Variants in HDX observed in about 807,000 individuals in gnomAD.
HDX encodes highly divergent homeobox, also known as chromosome X open reading frame 43.
In HDX, 19 loss-of-function variants were observed where a neutral mutation model predicts 45.2. The observed-to-expected ratio is 0.42, with a 90% CI of 0.29 to 0.62. The LOEUF is 0.62. Ranked by LOEUF, HDX falls within the 20% of genes least tolerant of loss-of-function variation. The pLI, the probability that HDX is intolerant of heterozygous loss-of-function variation, is 0.20. For synonymous variants in HDX, 188 were observed against 172.8 expected, an observed-to-expected ratio of 1.09 and a Z score of -0.69; for missense variants, 532 against 493.9, an observed-to-expected ratio of 1.08 and a Z score of -0.73.
intron 10 of HDX, among the ~76,000 whole-genome samples, chrX:84,325,377 G>A (rs2036687176): frequency 9.0e-6 from 1 of 111,338 alleles, no homozygotes; most frequent in African/African-American, 3.3e-5. Context: ...GGTTACATAT[G>A]TCTCACACTA....
At chrX:84,475,610 C>T (rs2040532814) in intron 2 of HDX, among the ~76,000 whole-genome samples, 1 of 110,991 alleles carries the variant, frequency 9.0e-6, no homozygotes, top group Non-Finnish European at 1.9e-5. Context: ...TGAATTTGTT[C>T]AGATAATGTA....
chrX:84,327,651 A>G (rs888512805), intron 9 of HDX, among the ~76,000 whole-genome samples: 2 of 111,751 alleles, frequency 1.8e-5, no homozygotes, highest in Non-Finnish European at 3.8e-5. Context: ...GACATGGATC[A>G]TAGACCTAAA....
intron 6 of HDX, among the ~76,000 whole-genome samples, chrX:84,345,971 A>G (rs1424776417): frequency 9.0e-6 from 1 of 111,001 alleles, no homozygotes; most frequent in Non-Finnish European, 1.9e-5. Flanking sequence ...TTTCATTTTC[A>G]TGTTGAGTTT....
chrX:84,389,821 G>A (rs1315746014), intron 5 of HDX, among the ~76,000 whole-genome samples: 2 of 110,487 alleles, frequency 1.8e-5, no homozygotes, highest in Non-Finnish European at 3.8e-5. Context: ...GCCGTTTAAA[G>A]GCATATCTCT....
At chrX:84,401,868 T>C (rs1359680707) in intron 5 of HDX, among the ~76,000 whole-genome samples, 1 of 111,627 alleles carries the variant, frequency 9.0e-6, no homozygotes, top group Admixed American at 9.5e-5. Context: ...ATGAAATACA[T>C]GCAGGCATAA....
intron 5 of HDX, among the ~76,000 whole-genome samples, chrX:84,411,208 G>A (rs760813017): frequency 1.3e-4 from 14 of 111,254 alleles, no homozygotes; most frequent in African/African-American, 3.9e-4. Context: ...CTGGTTTGGG[G>A]ATTTATTTGC....
intron 5 of HDX, among the ~76,000 whole-genome samples, chrX:84,367,173 T>C (rs1170906396): frequency 1.8e-5 from 2 of 111,353 alleles, no homozygotes; most frequent in Admixed American, 1.9e-4. Context: ...AACAACTCCA[T>C]CAAAAAGTGG....
chrX:84,457,976 T>C (rs933746972), intron 4 of HDX, among the ~76,000 whole-genome samples: 3 of 112,046 alleles, frequency 2.7e-5, no homozygotes, highest in African/African-American at 9.7e-5. Context: ...AATATCACCT[T>C]TTTCAAATGG....
At chrX:84,401,925 T>A (rs915073201) in intron 5 of HDX, among the ~76,000 whole-genome samples, 1 of 111,987 alleles carries the variant, frequency 8.9e-6, no homozygotes, top group Non-Finnish European at 1.9e-5. Flanking sequence ...GCCATCACCC[T>A]GAGCAACTAA....
intron 6 of HDX, among the ~76,000 whole-genome samples, chrX:84,346,215 G>T (rs1360808600): frequency 9.0e-6 from 1 of 111,072 alleles, no homozygotes; most frequent in Non-Finnish European, 1.9e-5. Context: ...GGCCCTGGTG[G>T]CTAGTGAGCA....
In HDX at chrX:84,396,058, T is replaced by C. The variant is rs762253391; in HGVS notation, c.1306-34446A>G. 1.2e-3 allele frequency among the ~76,000 whole-genome samples: 135 copies of C among 112,361 alleles called. 1 individual carries two copies. The highest frequency in any genetic ancestry group is 1.9e-3 in the Non-Finnish European group (103 of 53,271). ...AAATTATTTTCCAAGATTTTGTACA[T>C]TTATTTTTGATTTGGATCTATTTCT... On this transcript the variant is annotated intron_variant, in intron 5 of 10. Transcript: ENST00000373177.
intron 1 of HDX, among the ~76,000 whole-genome samples, chrX:84,499,176 G>A (rs952074603): frequency 4.5e-5 from 5 of 111,693 alleles, no homozygotes; most frequent in African/African-American, 1.6e-4. Context: ...ATTAATGCTA[G>A]TAAAGTACCT....
chrX:84,326,619 A>G (rs1302421178), intron 9 of HDX, among the ~76,000 whole-genome samples: 1 of 111,418 alleles, frequency 9.0e-6, no homozygotes, highest in Non-Finnish European at 1.9e-5. Flanking sequence ...TCAGATTAAG[A>G]TTAAGAATAA....
At chrX:84,465,435 G>A (rs994071458) in intron 4 of HDX, among the ~76,000 whole-genome samples, 2 of 112,371 alleles carry the variant, frequency 1.8e-5, no homozygotes, top group Non-Finnish European at 3.8e-5. Context: ...GCCCATCAAT[G>A]ATAAACTGGA....
At chrX:84,344,225 T>C (rs780251595) in intron 7 of HDX, 25 bp downstream of exon 7, 4 of 1,088,765 alleles carry the variant, frequency 3.7e-6, no homozygotes, top group Non-Finnish European at 5.1e-6. Context: ...AAGGCTATTA[T>C]TAGAAGATTC....
At chrX:84,365,114 C>A (rs1291011737) in intron 5 of HDX, among the ~76,000 whole-genome samples, 1 of 108,965 alleles carries the variant, frequency 9.2e-6, no homozygotes, top group Admixed American at 9.8e-5. Flanking sequence ...TTTTTCAATA[C>A]CAGATGTGAG....
intron 3 of HDX, among the ~76,000 whole-genome samples, chrX:84,472,715 C>T (rs1035738224): frequency 1.8e-5 from 2 of 110,817 alleles, no homozygotes; most frequent in Non-Finnish European, 3.8e-5. Context: ...AATTGATTTC[C>T]ATAGTGAAAA....
At chrX:84,322,038 TGG>T in intron 10 of HDX, 24 bp from the exon 11 acceptor site, 1 of 1,062,861 alleles carries the variant, frequency 9.4e-7, no homozygotes, top group Non-Finnish European at 1.3e-6. Context: ...ATAATATTTT[TGG>T]ATTAGTATGT....
rs1341647637 is a variant in HDX at position 84,321,136 on chromosome X, C to T, written c.*753G>A. 4.5e-5 allele frequency: 5 copies of T among 110,967 alleles called. No homozygotes were observed. The highest frequency in any genetic ancestry group is 5.7e-4 in the East Asian group (2 of 3,517). The allele number at this position is 110,967 out of a possible 1,213,427, so 9.1% of individuals were successfully genotyped here. ...ACAAATTTACTACTGGAATGTCAAT[C>T]GTATCAATACTTGTCATTTGTAGTA... On this transcript the variant is annotated 3_prime_UTR_variant, in exon 11 of 11. Coordinates refer to ENST00000373177, the MANE Select transcript of HDX (RefSeq NM_001177479.2).
Sources: gnomAD v4.1 joint callset for allele counts (sites outside exome capture counted in the v4.1 genomes callset) on GRCh38, gnomAD v4.1.1 for gene constraint, MANE v1.5 for transcripts, NCBI Gene and HGNC (gene_info 2026-07-23, HGNC 2026-07-21) for gene names.